The following LAMA5 variants were observed in gnomAD, a reference collection of about 807,000 sequenced individuals.
LAMA5 encodes the protein laminin subunit alpha-5.
In LAMA5, 260 loss-of-function variants were observed where a neutral mutation model predicts 433.4. That is an observed-to-expected ratio of 0.60 (90% confidence interval 0.54 to 0.66). LAMA5 has a LOEUF of 0.66. Among genes scored for constraint, LAMA5 ranks in the 30% least tolerant of loss-of-function variants. The probability of loss-of-function intolerance (pLI) is 0.00; values close to 1 mark genes in which losing one functional copy is unlikely to be tolerated. For missense variants in LAMA5, 5,378 were observed against 5,258.5 expected (o/e 1.02, Z -0.70); for synonymous variants, 2,620 against 2,226.6 (o/e 1.18, Z -4.97).
chr20:62,317,757 G>A lies in LAMA5; in HGVS notation c.7261C>T (p.Arg2421Trp), dbSNP rs140777270. 1,496 of 1,603,692 alleles carry A rather than the reference G, an allele frequency of 9.3e-4. No individual in the cohort carries two copies. The highest frequency in any genetic ancestry group is 1.2e-3 in the Non-Finnish European group (1,419 of 1,176,112). ...GTGGCCTGCAGGGTGGCATTGTCCC[G>A]GGACAGCTCCTGCTTCCTTTGCTGA... is the stretch of plus-strand genomic sequence containing the variant. ...EALQRKQELS[R>W]DNATLQATLH... Residue 2421 changes from arginine to tryptophan, a missense_variant, in exon 54 of 80, where the codon CGG becomes TGG. Physicochemically the swap from Arg to Trp is moderately radical, Grantham distance 101. Transcript: ENST00000252999.
chr20:62,334,950 G>C, intron 20 of LAMA5, 71 bp downstream of exon 20: 1 of 1,435,562 alleles, frequency 7.0e-7, no homozygotes. Context: ...TGTCCCTCCG[G>C]GCCTTGGGTT....
intron 31 of LAMA5, 82 bp downstream of exon 31, chr20:62,330,406 G>A (rs1980135077): frequency 6.9e-7 from 1 of 1,445,720 alleles, no homozygotes; most frequent in Non-Finnish European, 9.1e-7. Flanking sequence ...CTCATAGCAG[G>A]TAGCACAGGC....
In LAMA5 at chr20:62,334,922, T is replaced by C. The variant is rs1212773347; in HGVS notation, c.2482+99A>G. 9.3e-6 allele frequency: 11 copies of C among 1,176,966 alleles called. No individual in the cohort carries two copies. The South Asian group carries it at 1.3e-4, about 14-fold the overall frequency. The allele number at this position is 1,176,966 out of a possible 1,614,324, so 72.9% of individuals were successfully genotyped here. Reference sequence around the variant, plus strand: ...GCAGCCATCCATCACCCGGGCTTCATGCTGCCCAGGCTGCACTTGTCCCTC... The same window carrying C: ...GCAGCCATCCATCACCCGGGCTTCACGCTGCCCAGGCTGCACTTGTCCCTC... On this transcript the variant is annotated intron_variant, in intron 20 of 79. Coordinates refer to ENST00000252999, the MANE Select transcript of LAMA5 (RefSeq NM_005560.6).
chr20:62,360,632 AGATGGGTGGGTGGGTG>A (rs1986007569), intron 2 of LAMA5, among the ~76,000 whole-genome samples: 2 of 10,710 alleles, frequency 1.9e-4, no homozygotes, highest in Non-Finnish European at 2.1e-4. Flanking sequence ...GTGGAGGGAT[AGATGGGTGGGTGGGTG>A]GGTGGAGGGA....
At position 62,359,951 on chromosome 20, in the gene LAMA5, C is replaced by G. The variant is rs116660382; in HGVS notation, c.450+2449G>C. Reference sequence around the variant, plus strand: ...AGTGCCAGCCGCCCCCACCCCCGTCCCAGGGCATCCGCTCCAGATCCCAGA... The same window carrying G: ...AGTGCCAGCCGCCCCCACCCCCGTCGCAGGGCATCCGCTCCAGATCCCAGA... On this transcript the variant is annotated intron_variant, in intron 2 of 79. Transcript: ENST00000252999. The surrounding 1 kb of genome is among the most constrained non-coding windows in gnomAD (Gnocchi z 4.3). Among the ~76,000 whole-genome samples, 9,759 of 151,458 alleles carry G rather than the reference C, an allele frequency of 0.064. 362 individuals carry two copies. The highest frequency in any genetic ancestry group is 0.16 in the South Asian group (771 of 4,754).
chr20:62,336,937 C>A (rs759168960), intron 16 of LAMA5, 151 bp from the exon 17 acceptor site: 4 of 742,402 alleles, frequency 5.4e-6, no homozygotes, highest in South Asian at 4.4e-5. Flanking sequence ...AAAACACGCA[C>A]CTCCCTGCTC....
chr20:62,315,315 G>T, intron 58 of LAMA5, 108 bp from the exon 59 acceptor site: 2 of 952,702 alleles, frequency 2.1e-6, no homozygotes, highest in Non-Finnish European at 3.1e-6. Flanking sequence ...AACCCCCTAT[G>T]GATCGTGTGA....
rs1403276937 is a variant in LAMA5, at chr20:62,312,897, G to A, written c.9069C>T (p.Ala3023=). 5 of 1,586,512 alleles carry A rather than the reference G, an allele frequency of 3.2e-6. No homozygotes were observed. The highest frequency in any genetic ancestry group is 4.3e-6 in the Non-Finnish European group (5 of 1,164,568). The change falls in exon 66 of 80, where the codon GCC becomes GCT. Residue 3023 remains alanine, a synonymous_variant. Coordinates refer to ENST00000252999, the MANE Select transcript of LAMA5 (RefSeq NM_005560.6). ...PLQPPPPLTS[A]SKAIQVFLLG... is the part of the protein sequence containing the mutation. ...CCCACCCTGGCCCTACCGCCTTGCT[G>A]GCCGAGGTCAGGGGCGGTGGGGGCT...
intron 35 of LAMA5, 31 bp downstream of exon 35, chr20:62,328,210 G>T: frequency 1.9e-6 from 3 of 1,563,622 alleles, no homozygotes. Context: ...AGGCCACCAG[G>T]GGCCGCGCTG....
chr20:62,309,963 G>T, intron 78 of LAMA5, 25 bp downstream of exon 78: 1 of 1,606,966 alleles, frequency 6.2e-7, no homozygotes, highest in Non-Finnish European at 8.5e-7. Flanking sequence ...GTGGCAGAGT[G>T]CCCTGGCCAC....
intron 36 of LAMA5, 48 bp from the exon 37 acceptor site, chr20:62,327,717 G>T: frequency 6.2e-7 from 1 of 1,601,126 alleles, no homozygotes; most frequent in Non-Finnish European, 8.5e-7. Context: ...CCAGGTGCCT[G>T]ACCCCGGGTT....
Position 62,330,631 on chromosome 20 carries a change from T to TA in LAMA5, c.3853-18dup. ...CACGGTGGCCTGCAGGGATAGGCCC[T>TA]AGTGAGCAGGCTGAGCTATGAGCCC... is the stretch of plus-strand genomic sequence containing the variant. On this transcript the variant is annotated splice_polypyrimidine_tract_variant and intron_variant, in intron 30 of 79. Coordinates refer to ENST00000252999, the MANE Select transcript of LAMA5 (RefSeq NM_005560.6). 1 of 1,583,786 alleles carries TA rather than the reference T, an allele frequency of 6.3e-7. No homozygotes were observed.
intron 16 of LAMA5, among the ~76,000 whole-genome samples, chr20:62,337,290 C>T (rs992212886): frequency 2.0e-5 from 3 of 152,182 alleles, no homozygotes; most frequent in African/African-American, 7.2e-5. Context: ...CAGGCACCCA[C>T]ACTTAGGTGA....
chr20:62,323,412 G>T, intron 45 of LAMA5, 44 bp downstream of exon 45: 1 of 1,445,484 alleles, frequency 6.9e-7, no homozygotes, highest in African/African-American at 1.4e-5. Context: ...CCTCCTCCCC[G>T]CGCAACCCTC....
At chr20:62,322,807 G>A in intron 45 of LAMA5, 49 bp from the exon 46 acceptor site, 1 of 1,277,950 alleles carries the variant, frequency 7.8e-7, no homozygotes, top group Non-Finnish European at 1.0e-6. Context: ...CACCCCCCCA[G>A]GGAGCCCCTA....
In LAMA5 at chr20:62,333,669, G is replaced by C; in HGVS notation, c.2916C>G (p.Ser972Arg). The change falls in exon 24 of 80, where the codon AGC becomes AGG. Residue 972 changes from serine (S) to arginine (R), a missense_variant. Physicochemically the swap from Ser to Arg is moderately radical, Grantham distance 110 (BLOSUM62 -1). Transcript: ENST00000252999. ...AQSQPVAFPP[S>R]TEPAFITVPQ... ...GCACGGTGATGAAGGCAGGCTCCGTGCTGGGTGGGAAGGCCACGGGCTGAC... is the reference window on the plus strand; with the variant it reads ...GCACGGTGATGAAGGCAGGCTCCGTCCTGGGTGGGAAGGCCACGGGCTGAC... 6 of 1,595,404 alleles carry C rather than the reference G, an allele frequency of 3.8e-6. No individual in the cohort carries two copies. The highest frequency in any genetic ancestry group is 1.7e-4 in the Middle Eastern group (1 of 6,020).
At position 62,338,251 on chromosome 20, in the gene LAMA5, A is replaced by G; in HGVS notation, c.1737T>C (p.Phe579=). 6.3e-7 allele frequency: 1 copy of G among 1,598,578 alleles called. No homozygotes were observed. The highest frequency in any genetic ancestry group is 8.5e-7 in the Non-Finnish European group (1 of 1,171,672). The change falls in exon 13 of 80, where the codon TTT becomes TTC. Residue 579 remains phenylalanine (F), a synonymous_variant. Coordinates refer to ENST00000252999, the MANE Select transcript of LAMA5 (RefSeq NM_005560.6). Reference sequence around the variant, plus strand: ...ACTCACACTGGCAGAGAGGGAAGTGAAAGTAGCCGGGGGCACAGCGATCAC... The same window carrying G: ...ACTCACACTGGCAGAGAGGGAAGTGGAAGTAGCCGGGGGCACAGCGATCAC... ...ATCDRCAPGY[F]HFPLCQLCGC... is the part of the protein sequence containing the mutation.
chr20:62,312,901 G>A lies in LAMA5; in HGVS notation c.9065C>T (p.Ser3022Leu), dbSNP rs546335527. ...VPLQPPPPLT[S>L]ASKAIQVFLL... ...CCCTGGCCCTACCGCCTTGCTGGCC[G>A]AGGTCAGGGGCGGTGGGGGCTGCAG... Residue 3022 changes from serine to leucine, a missense_variant, in exon 66 of 80, where the codon TCG (serine) becomes TTG (leucine). Ser to Leu is a moderately radical substitution (Grantham distance 145, BLOSUM62 -2). Coordinates refer to ENST00000252999, the MANE Select transcript of LAMA5 (RefSeq NM_005560.6). The A allele has an allele frequency of 3.2e-4, 500 of 1,585,246 alleles. 4 individuals carry two copies. In the South Asian group the frequency reaches 5.2e-3, roughly 16 times the overall value.
chr20:62,309,251 T>G lies in LAMA5; in HGVS notation c.*85A>C. 7.4e-7 allele frequency: 1 copy of G among 1,349,744 alleles called. No individual in the cohort carries two copies. 83.6% of individuals were successfully genotyped at this position (1,349,744 alleles called of 1,614,324 possible). A position where few individuals can be genotyped will look rare whatever the true frequency, so the allele number is the denominator to read the frequency against. On this transcript the variant is annotated 3_prime_UTR_variant, in exon 80 of 80. Transcript: ENST00000252999. ...GATCTGTCACCCGTAGAGCTTAGAG[T>G]CCAAATAGACACCTATGAGGCGAGC...
Sources: allele counts gnomAD v4.1 joint callset (sites outside exome capture counted in the v4.1 genomes callset), GRCh38; gene constraint gnomAD v4.1.1; non-coding constraint Gnocchi (gnomAD v3.1); transcripts MANE v1.5; gene names NCBI Gene and HGNC (gene_info 2026-07-23, HGNC 2026-07-21).